The following POTEJ variants were observed in gnomAD, a reference collection of about 807,000 sequenced individuals.
POTEJ encodes POTE ankyrin domain family, member J.
A neutral mutation model predicts 69.0 loss-of-function variants in POTEJ; 11 were observed. That is an observed-to-expected ratio of 0.16 (90% CI 0.10 to 0.26). The LOEUF (loss-of-function observed/expected upper bound fraction) is 0.26. Ranked by LOEUF, POTEJ falls within the 10% of genes least tolerant of loss-of-function variation. POTEJ has a pLI of 1.00. For synonymous variants in POTEJ, 117 were observed against 381.1 expected, an observed-to-expected ratio of 0.31 and a Z score of 8.07; for missense variants, 327 against 1,045.5, an observed-to-expected ratio of 0.31 and a Z score of 9.48.
Position 130,625,934 on chromosome 2 carries a change from G to T in POTEJ, c.1015+1800G>T, listed in dbSNP as rs1338908881. Among the ~76,000 whole-genome samples the T allele has an allele frequency of 3.0e-5, 4 of 135,434 alleles. 1 individual carries two copies. The highest frequency in any genetic ancestry group is 6.2e-5 in the Non-Finnish European group (4 of 64,334). 88.8% of individuals were successfully genotyped at this position (135,434 alleles called of 152,430 possible). A position where few individuals can be genotyped will look rare whatever the true frequency, so the allele number is the denominator to read the frequency against. ...AAACAGTAAGAACCAGAGTTGTTTTGGTTGTTCTTTGATATCCTAGGATCC... is the reference window on the plus strand; with the variant it reads ...AAACAGTAAGAACCAGAGTTGTTTTTGTTGTTCTTTGATATCCTAGGATCC... On this transcript the variant is annotated intron_variant, in intron 6 of 14. Coordinates refer to ENST00000409602, the MANE Select transcript of POTEJ (RefSeq NM_001277083.2).
Position 130,656,682 on chromosome 2 carries a change from AG to A in POTEJ, c.1924del (p.Asp642IlefsTer5), listed in dbSNP as rs1465342896. ...CAGCTAAGAAAAAAGAAATATTTGG[AG>A]GATATTGAAAGTGTGAAAAAAAAGA... is the stretch of plus-strand genomic sequence containing the variant. ...QSQLRKKKYL[E>X]DIESVKKKND... is the part of the protein sequence containing the mutation. On this transcript the variant is annotated frameshift_variant, in exon 15 of 15. Transcript: ENST00000409602. LOFTEE classifies it high-confidence loss of function. The A allele has an allele frequency of 6.2e-7, 1 of 1,610,080 alleles. No homozygotes were observed. Among genetic ancestry groups the A allele is most frequent in the Non-Finnish European group, 8.5e-7 (1 of 1,179,826 alleles).
intron 6 of POTEJ, among the ~76,000 whole-genome samples, chr2:130,626,915 T>A (rs1168423144): frequency 2.0e-5 from 3 of 152,176 alleles, no homozygotes; most frequent in Admixed American, 6.5e-5. Context: ...CAGGCTTTTT[T>A]TTAAATAAAA....
In POTEJ at chr2:130,657,487, G is replaced by T. The variant is rs575523013; in HGVS notation, c.2727G>T (p.Gln909His). The change falls in exon 15 of 15, where the codon CAG (glutamine) becomes CAT (histidine). Residue 909 changes from glutamine to histidine, a missense_variant. Physicochemically the swap from Gln to His is conservative, Grantham distance 24. Coordinates refer to ENST00000409602, the MANE Select transcript of POTEJ (RefSeq NM_001277083.2). The stretch of plus-strand genomic sequence containing the variant: ...AGAGCTACGAGCTGCCCGATGGCCA[G>T]GTCATCACCATCAGCAACGAGTGGT... Reference protein sequence around the residue: ...LEKSYELPDGQVITISNEWFR... With the variant: ...LEKSYELPDGHVITISNEWFR... 5.1e-6 allele frequency: 8 copies of T among 1,571,454 alleles called. No individual in the cohort carries two copies. The Admixed American group carries it at 1.2e-4, about 23-fold the overall frequency.
At chr2:130,634,984 G>A (rs1214732281) in intron 9 of POTEJ, among the ~76,000 whole-genome samples, 3 of 151,616 alleles carry the variant, frequency 2.0e-5, no homozygotes, top group Non-Finnish European at 4.4e-5. Context: ...ATTTGAGCCA[G>A]TGGAGGGCGT....
chr2:130,633,063 C>T (rs1262984393), intron 9 of POTEJ, among the ~76,000 whole-genome samples: 3 of 145,050 alleles, frequency 2.1e-5, no homozygotes, highest in Admixed American at 6.8e-5. Context: ...TCAAGTAGAC[C>T]CTGGTGCCTG....
intron 10 of POTEJ, among the ~76,000 whole-genome samples, chr2:130,641,785 A>G (rs1395948880): frequency 2.0e-5 from 3 of 152,188 alleles, no homozygotes; most frequent in African/African-American, 7.2e-5. Context: ...AGCATTTATA[A>G]CTCACATCCT....
chr2:130,613,368 A>ATG (rs1447068327), intron 1 of POTEJ, among the ~76,000 whole-genome samples: 1 of 128,360 alleles, frequency 7.8e-6, no homozygotes, highest in African/African-American at 3.1e-5. Context: ...ATATACATAT[A>ATG]TATGTGTGTG....
At chr2:130,640,684 A>T (rs1262643605) in intron 10 of POTEJ, among the ~76,000 whole-genome samples, 1 of 151,924 alleles carries the variant, frequency 6.6e-6, no homozygotes, top group African/African-American at 2.4e-5. Context: ...AGAAGCATGC[A>T]AGGGGCTTCC....
intron 10 of POTEJ, among the ~76,000 whole-genome samples, chr2:130,638,894 A>G (rs1410485741): frequency 1.1e-4 from 17 of 152,374 alleles, no homozygotes; most frequent in African/African-American, 1.9e-4. Flanking sequence ...ACAACTTACC[A>G]TAATGTAGAA....
At chr2:130,625,391 T>C (rs1457877694) in intron 6 of POTEJ, among the ~76,000 whole-genome samples, 5 of 151,840 alleles carry the variant, frequency 3.3e-5, no homozygotes, top group African/African-American at 1.2e-4. Flanking sequence ...GTTATCATTG[T>C]CATTTTCATT....
At chr2:130,613,137 C>A in intron 1 of POTEJ, among the ~76,000 whole-genome samples, 1 of 141,134 alleles carries the variant, frequency 7.1e-6, no homozygotes, top group Admixed American at 7.1e-5. Context: ...ATTTTTATGT[C>A]ACAAAAATAA....
chr2:130,626,783 A>G (rs1333717701), intron 6 of POTEJ, among the ~76,000 whole-genome samples: 2 of 152,164 alleles, frequency 1.3e-5, no homozygotes, highest in Non-Finnish European at 2.9e-5. Context: ...TTAGTGAAAT[A>G]CATAAAGTTA....
At chr2:130,655,478 G>A (rs1251746575) in intron 14 of POTEJ, among the ~76,000 whole-genome samples, 1 of 152,258 alleles carries the variant, frequency 6.6e-6, no homozygotes, top group South Asian at 2.1e-4. Flanking sequence ...CCTTACTTTT[G>A]CAGAGAGGAA....
chr2:130,614,583 A>G (rs565465900), intron 1 of POTEJ, among the ~76,000 whole-genome samples: 7 of 148,526 alleles, frequency 4.7e-5, no homozygotes, highest in African/African-American at 1.8e-4. Context: ...CACGAACAGA[A>G]TCTGCTCGTG....
intron 1 of POTEJ, among the ~76,000 whole-genome samples, chr2:130,613,278 ATG>A (rs1271864458): frequency 4.2e-4 from 24 of 56,936 alleles, no homozygotes; most frequent in African/African-American, 2.4e-3. Context: ...ATATATACAT[ATG>A]TATATATACA....
chr2:130,640,952 A>G (rs2105241164), intron 10 of POTEJ, among the ~76,000 whole-genome samples: 1 of 152,126 alleles, frequency 6.6e-6, no homozygotes, highest in African/African-American at 2.4e-5. Flanking sequence ...ATTAAATTTG[A>G]GTATTAAGGC....
intron 1 of POTEJ, among the ~76,000 whole-genome samples, chr2:130,615,746 A>G (rs1420427666): frequency 6.7e-5 from 10 of 149,186 alleles, no homozygotes; most frequent in African/African-American, 2.3e-4. Flanking sequence ...CATCCGGCAC[A>G]TGTATCCCTG....
intron 13 of POTEJ, among the ~76,000 whole-genome samples, chr2:130,652,082 G>A (rs895610582): frequency 5.8e-5 from 8 of 137,936 alleles, no homozygotes; most frequent in Non-Finnish European, 7.7e-5. Flanking sequence ...TCATGGGGTC[G>A]GTTTCCTCCA....
chr2:130,623,181 A>G (rs967314112), intron 5 of POTEJ, among the ~76,000 whole-genome samples: 1 of 96,824 alleles, frequency 1.0e-5, no homozygotes, highest in Non-Finnish European at 2.0e-5. Flanking sequence ...CGTGGAAACT[A>G]AAATAAATAA....
Sources: gnomAD v4.1 joint callset for allele counts (sites outside exome capture counted in the v4.1 genomes callset) on GRCh38, gnomAD v4.1.1 for gene constraint, MANE v1.5 for transcripts, NCBI Gene and HGNC (gene_info 2026-07-23, HGNC 2026-07-21) for gene names.